VPS37C: variants seen among roughly 807,000 people sequenced by gnomAD.
VPS37C encodes the protein vacuolar protein sorting-associated protein 37C.
Under a neutral mutation model 16.1 loss-of-function variants are expected in VPS37C, and 9 were observed. That is an observed-to-expected ratio of 0.56 (90% CI 0.34 to 0.97). The LOEUF (loss-of-function observed/expected upper bound fraction) is 0.97, where lower values mean the gene tolerates loss of function less well. Ranked by LOEUF, VPS37C falls within the 50% of genes least tolerant of loss-of-function variation. VPS37C has a pLI of 0.02. For synonymous variants in VPS37C, 207 were observed against 206.4 expected, an observed-to-expected ratio of 1.00 and a Z score of -0.02; for missense variants, 479 against 472.7, an observed-to-expected ratio of 1.01 and a Z score of -0.12.
At chr11:61,151,995 A>T (rs1458268844) in intron 1 of VPS37C, among the ~76,000 whole-genome samples, 1 of 152,174 alleles carries the variant, frequency 6.6e-6, no homozygotes, top group African/African-American at 2.4e-5. Context: ...GATGACTCGG[A>T]AAGGATTTCA....
In VPS37C at chr11:61,161,408, G is replaced by GCCGCCGCCA. The variant is rs1485498621; in HGVS notation, c.-33_-25dup. 6.5e-6 allele frequency: 1 copy of GCCGCCGCCA among 154,842 alleles called. No homozygotes were observed. Among genetic ancestry groups the GCCGCCGCCA allele is most frequent in the African/African-American group, 2.4e-5 (1 of 41,438 alleles). 9.6% of individuals were successfully genotyped at this position (154,842 alleles called of 1,614,324 possible). A position where few individuals can be genotyped will look rare whatever the true frequency, so the allele number is the denominator to read the frequency against. ...CCGCTCACCTGCCAGGGCCGCCGTC[G>GCCGCCGCCA]CCGCCGCCACCGCGGGTTAAACCGC... On this transcript the variant is annotated 5_prime_UTR_variant, in exon 1 of 5. Coordinates refer to ENST00000301765, the MANE Select transcript of VPS37C (RefSeq NM_017966.5).
chr11:61,155,918 G>C (rs1412678824), intron 1 of VPS37C, among the ~76,000 whole-genome samples: 1 of 152,202 alleles, frequency 6.6e-6, no homozygotes, highest in Admixed American at 6.5e-5. Flanking sequence ...GGCACGTGTA[G>C]AAGTAAAACA....
rs779277984 is a variant in VPS37C, at chr11:61,138,714, G to T, written c.93+23C>A. The stretch of plus-strand genomic sequence containing the variant: ...AGCCTCATCTGCTGGCCTCTGTTGG[G>T]TCCCATACCAGCCTCCCTCTACCTC... On this transcript the variant is annotated intron_variant, in intron 2 of 4. Coordinates refer to ENST00000301765, the MANE Select transcript of VPS37C (RefSeq NM_017966.5). 3.1e-6 allele frequency: 5 copies of T among 1,611,972 alleles called. No homozygotes were observed. The Admixed American group carries it at 6.7e-5, about 21-fold the overall frequency.
intron 1 of VPS37C, among the ~76,000 whole-genome samples, chr11:61,141,802 A>C (rs575673084): frequency 6.6e-6 from 1 of 152,210 alleles, no homozygotes; most frequent in Non-Finnish European, 1.5e-5. Context: ...GAGGCCCACC[A>C]CTGAGCATCT....
intron 1 of VPS37C, among the ~76,000 whole-genome samples, chr11:61,159,935 C>T (rs1239387930): frequency 2.2e-5 from 3 of 137,634 alleles, no homozygotes; most frequent in African/African-American, 5.3e-5. Flanking sequence ...AAAATCCAAA[C>T]TTGGCCACTT....
chr11:61,156,037 A>G (rs1477064897), intron 1 of VPS37C, among the ~76,000 whole-genome samples: 1 of 145,114 alleles, frequency 6.9e-6, no homozygotes, highest in Non-Finnish European at 1.5e-5. Flanking sequence ...AGCAAATTAA[A>G]GATGCATACT....
At chr11:61,146,721 G>C (rs1048621372) in intron 1 of VPS37C, among the ~76,000 whole-genome samples, 74 of 152,244 alleles carry the variant, frequency 4.9e-4, no homozygotes, top group Non-Finnish European at 4.0e-4. Flanking sequence ...GCGTGAGCCA[G>C]TCTGCGTTCC....
intron 1 of VPS37C, among the ~76,000 whole-genome samples, chr11:61,149,735 C>A (rs1359624023): frequency 6.6e-6 from 1 of 152,212 alleles, no homozygotes; most frequent in Non-Finnish European, 1.5e-5. Flanking sequence ...GAAATTGCTT[C>A]ATGAAGGAAA....
In VPS37C at chr11:61,130,873, AAC is replaced by A; in HGVS notation, c.*945_*946del. 2.4e-6 allele frequency: 1 copy of A among 412,774 alleles called. No homozygotes were observed. Among genetic ancestry groups the A allele is most frequent in the South Asian group, 1.7e-5 (1 of 58,116 alleles). 25.6% of individuals were successfully genotyped at this position (412,774 alleles called of 1,614,324 possible). On this transcript the variant is annotated 3_prime_UTR_variant, in exon 5 of 5. Coordinates refer to ENST00000301765, the MANE Select transcript of VPS37C (RefSeq NM_017966.5). ...ACACTGGGGGTGGGAGGATTACATC[AAC>A]AGAGTGAGAAGGGGAGGGGAAGGGA...
chr11:61,130,610 A>G lies in VPS37C; in HGVS notation c.*1210T>C. The G allele has an allele frequency of 3.7e-6, 1 of 273,932 alleles. No homozygotes were observed. The highest frequency in any genetic ancestry group is 7.0e-6 in the Non-Finnish European group (1 of 143,674). 17.0% of individuals were successfully genotyped at this position (273,932 alleles called of 1,614,324 possible). A position where few individuals can be genotyped will look rare whatever the true frequency, so the allele number is the denominator to read the frequency against. ...CTGAGACCTGGTTTACCTCTGGAAC[A>G]ACCAAGTTAACACTCATCACACCCC... is the stretch of plus-strand genomic sequence containing the variant. On this transcript the variant is annotated 3_prime_UTR_variant, in exon 5 of 5. Transcript: ENST00000301765.
At chr11:61,146,110 G>C (rs191284385) in intron 1 of VPS37C, among the ~76,000 whole-genome samples, 263 of 152,358 alleles carry the variant, frequency 1.7e-3, no homozygotes, top group Middle Eastern at 6.8e-3. Flanking sequence ...ATGGAGACAG[G>C]AAGGAGAGAA....
At chr11:61,151,868 T>C (rs1269767868) in intron 1 of VPS37C, among the ~76,000 whole-genome samples, 2 of 152,194 alleles carry the variant, frequency 1.3e-5, no homozygotes, top group South Asian at 4.1e-4. Flanking sequence ...TTTCTGACAG[T>C]AAAGCCAAGC....
chr11:61,143,649 T>C (rs10897145), intron 1 of VPS37C: 111,419 of 150,176 alleles, frequency 0.74, 42,843 homozygotes, highest in East Asian at 1. Context: ...GTGTGAGCCA[T>C]TGTGCCCAGC....
Position 61,132,014 on chromosome 11 carries a change from G to T in VPS37C, c.874C>A (p.Pro292Thr). The T allele has an allele frequency of 7.3e-7, 1 of 1,376,054 alleles. No individual in the cohort carries two copies. The highest frequency in any genetic ancestry group is 9.4e-7 in the Non-Finnish European group (1 of 1,060,900). The allele number at this position is 1,376,054 out of a possible 1,614,324, so 85.2% of individuals were successfully genotyped here. Reference protein sequence around the residue: ...PGYPLRGGRAPSPGYPQQSPY... With the variant: ...PGYPLRGGRATSPGYPQQSPY... The stretch of plus-strand genomic sequence containing the variant: ...GACTGTTGAGGATAACCAGGACTGG[G>T]GGCCCTGCCTCCCCGCAAGGGGTAC... The change falls in exon 5 of 5, where the codon CCC becomes ACC. Residue 292 changes from proline to threonine, a missense_variant. Physicochemically the swap from Pro to Thr is conservative, Grantham distance 38. Transcript: ENST00000301765.
chr11:61,135,512 C>T (rs1861354909), intron 2 of VPS37C, among the ~76,000 whole-genome samples: 1 of 152,234 alleles, frequency 6.6e-6, no homozygotes, highest in African/African-American at 2.4e-5. Flanking sequence ...TAGGTCACTG[C>T]AGCCTCAAAC....
intron 1 of VPS37C, among the ~76,000 whole-genome samples, chr11:61,148,646 CT>C (rs1853252527): frequency 6.6e-6 from 1 of 151,418 alleles, no homozygotes; most frequent in Non-Finnish European, 1.5e-5. Context: ...ACTGAACTGA[CT>C]TTCCCCACAA....
At chr11:61,135,582 C>T (rs1861356190) in intron 2 of VPS37C, among the ~76,000 whole-genome samples, 1 of 152,006 alleles carries the variant, frequency 6.6e-6, no homozygotes, top group Admixed American at 6.6e-5. Flanking sequence ...TACAGGCATG[C>T]ACCACCACGC....
At chr11:61,141,377 A>G (rs1234371770) in intron 1 of VPS37C, among the ~76,000 whole-genome samples, 1 of 152,064 alleles carries the variant, frequency 6.6e-6, no homozygotes, top group Non-Finnish European at 1.5e-5. Context: ...CAAAAAAAAA[A>G]AAAGAAAAGA....
chr11:61,154,822 G>T (rs926459984), intron 1 of VPS37C, among the ~76,000 whole-genome samples: 1 of 152,110 alleles, frequency 6.6e-6, no homozygotes, highest in African/African-American at 2.4e-5. Context: ...AAAGCAGTTA[G>T]GGCCAGGCAC....
Sources: gnomAD v4.1 joint callset for allele counts (sites outside exome capture counted in the v4.1 genomes callset) on GRCh38, gnomAD v4.1.1 for gene constraint, MANE v1.5 for transcripts, NCBI Gene and HGNC (gene_info 2026-07-23, HGNC 2026-07-21) for gene names.